The following DLGAP1 variants were observed in gnomAD, a reference collection of about 807,000 sequenced individuals.
DLGAP1 encodes DLG associated protein 1, also known as disks large-associated protein 1.
Under a neutral mutation model 90.8 loss-of-function variants are expected in DLGAP1, and 11 were observed. The observed-to-expected ratio is 0.12, with a 90% CI of 0.08 to 0.20. DLGAP1 has a LOEUF of 0.20. DLGAP1 is among the 10% of genes least tolerant of loss of function. The probability of loss-of-function intolerance (pLI) is 1.00; values close to 1 mark genes in which losing one functional copy is unlikely to be tolerated. For missense variants in DLGAP1, 1,050 were observed against 1,333.8 expected (o/e 0.79, Z 3.31); for synonymous variants, 558 against 540.7 (o/e 1.03, Z -0.44).
At chr18:4,243,924 T>G (rs1005705096) in intron 1 of DLGAP1, among the ~76,000 whole-genome samples, 1 of 152,170 alleles carries the variant, frequency 6.6e-6, no homozygotes, top group Non-Finnish European at 1.5e-5. Flanking sequence ...CTTTGAAAAT[T>G]CAAATTGTTC....
At chr18:3,868,170 C>T (rs2070522251) in intron 4 of DLGAP1, among the ~76,000 whole-genome samples, 1 of 152,044 alleles carries the variant, frequency 6.6e-6, no homozygotes, top group African/African-American at 2.4e-5. Context: ...GGTGGGAGAA[C>T]AGGAAACGAT....
At chr18:3,871,005 C>G (rs1345169451) in intron 4 of DLGAP1, among the ~76,000 whole-genome samples, 4 of 152,198 alleles carry the variant, frequency 2.6e-5, no homozygotes, top group Non-Finnish European at 5.9e-5. Context: ...TGCTTCAACT[C>G]TAACTTTCAG....
intron 1 of DLGAP1, among the ~76,000 whole-genome samples, chr18:4,262,330 G>A (rs2079019547): frequency 6.9e-6 from 1 of 145,682 alleles, no homozygotes; most frequent in South Asian, 2.1e-4. Flanking sequence ...GTGTAGGTGT[G>A]TGTGTGTGCA....
At chr18:4,346,232 A>C (rs556398932) in intron 1 of DLGAP1, among the ~76,000 whole-genome samples, 10 of 152,322 alleles carry the variant, frequency 6.6e-5, no homozygotes, top group African/African-American at 2.4e-4. Flanking sequence ...GTCAATTAAA[A>C]TAAGTAAAAA....
chr18:4,326,284 A>G (rs902903470), intron 1 of DLGAP1, among the ~76,000 whole-genome samples: 7 of 152,154 alleles, frequency 4.6e-5, no homozygotes, highest in African/African-American at 1.7e-4. Context: ...GCAAATCAAA[A>G]CCACGATGAG....
intron 1 of DLGAP1, among the ~76,000 whole-genome samples, chr18:4,417,390 C>T (rs1460171318): frequency 3.3e-5 from 5 of 151,770 alleles, no homozygotes; most frequent in East Asian, 1.9e-4. Flanking sequence ...TAAAATATTT[C>T]GGTTGTATTT....
chr18:4,194,123 T>C (rs2077450659), intron 1 of DLGAP1, among the ~76,000 whole-genome samples: 1 of 152,120 alleles, frequency 6.6e-6, no homozygotes, highest in Non-Finnish European at 1.5e-5. Flanking sequence ...GTACTGAGCA[T>C]AGTAGCCAAC....
intron 7 of DLGAP1, among the ~76,000 whole-genome samples, chr18:3,661,263 TA>T (rs1308641261): frequency 6.6e-6 from 1 of 152,174 alleles, no homozygotes; most frequent in African/African-American, 2.4e-5. Flanking sequence ...TATAGGTGAA[TA>T]AAAATGGCCA....
chr18:4,339,115 ACTCC>A (rs2081135295), intron 1 of DLGAP1, among the ~76,000 whole-genome samples: 1 of 152,098 alleles, frequency 6.6e-6, no homozygotes, highest in East Asian at 1.9e-4. Flanking sequence ...CTGGGTTTTG[ACTCC>A]ATTCCCATGA....
At chr18:3,664,183 T>TACAC (rs35653599) in intron 7 of DLGAP1, among the ~76,000 whole-genome samples, 2,517 of 135,700 alleles carry the variant, frequency 0.019, 56 homozygotes, top group East Asian at 0.11. Flanking sequence ...TGGGTCAGTA[T>TACAC]ACACACACAC....
intron 1 of DLGAP1, among the ~76,000 whole-genome samples, chr18:4,165,997 A>C (rs1211633300): frequency 1.3e-5 from 2 of 152,102 alleles, no homozygotes; most frequent in East Asian, 3.9e-4. Flanking sequence ...GTCTATATAA[A>C]AAATCAAAAA....
chr18:3,774,259 T>C, intron 5 of DLGAP1: 1 of 152,374 alleles, frequency 6.6e-6, no homozygotes, highest in Non-Finnish European at 1.5e-5. Context: ...ACCCAAAGCC[T>C]TTTCTCGTTA....
At chr18:4,033,112 C>T (rs1164993353) in intron 2 of DLGAP1, among the ~76,000 whole-genome samples, 1 of 152,004 alleles carries the variant, frequency 6.6e-6, no homozygotes, top group African/African-American at 2.4e-5. Flanking sequence ...TAGTTCTCAA[C>T]CTTTCCCTAG....
intron 2 of DLGAP1, among the ~76,000 whole-genome samples, chr18:4,022,437 GAGA>G (rs1462273925): frequency 6.6e-6 from 1 of 150,992 alleles, no homozygotes; most frequent in East Asian, 1.9e-4. Flanking sequence ...CACACACACA[GAGA>G]AGATGTGAAA....
chr18:3,679,794 A>G (rs1000226256), intron 7 of DLGAP1: 9 of 151,582 alleles, frequency 5.9e-5, no homozygotes, highest in Non-Finnish European at 1.0e-4. Flanking sequence ...AAGAAAGACA[A>G]CAAAGGGACA....
chr18:3,973,866 T>C (rs2073509390), intron 3 of DLGAP1, among the ~76,000 whole-genome samples: 2 of 152,158 alleles, frequency 1.3e-5, no homozygotes. Context: ...TGTGCTGCTG[T>C]TGTCCTTGTG....
intron 6 of DLGAP1, among the ~76,000 whole-genome samples, chr18:3,741,011 C>CCAT (rs2062906268): frequency 3.2e-5 from 4 of 125,818 alleles, no homozygotes; most frequent in African/African-American, 6.2e-5. Context: ...ACCACCACCA[C>CCAT]CACCATCACC....
At chr18:4,370,869 C>A (rs767022391) in intron 1 of DLGAP1, among the ~76,000 whole-genome samples, 1 of 152,080 alleles carries the variant, frequency 6.6e-6, no homozygotes, top group Non-Finnish European at 1.5e-5. Flanking sequence ...AAGTAACCAG[C>A]CAATTATATT....
rs542120507 is a variant in DLGAP1, at chr18:3,870,951, T to C, written c.957+8161A>G. Among the ~76,000 whole-genome samples, 209 of 152,340 alleles carry C rather than the reference T, an allele frequency of 1.4e-3. 1 individual carries two copies. The highest frequency in any genetic ancestry group is 0.014 in the Middle Eastern group (4 of 294). ...TTAAAATAAATAATTGCAGGCATTA[T>C]TTAGTTAATCTTTGCCTCTTCTGAG... On this transcript the variant is annotated intron_variant, in intron 4 of 12. Coordinates refer to ENST00000315677, the MANE Select transcript of DLGAP1 (RefSeq NM_004746.4).
Sources: gnomAD v4.1 joint callset for allele counts (sites outside exome capture counted in the v4.1 genomes callset) on GRCh38, gnomAD v4.1.1 for gene constraint, MANE v1.5 for transcripts, NCBI Gene and HGNC (gene_info 2026-07-23, HGNC 2026-07-21) for gene names.